The following CRYZ variants were observed in gnomAD, a reference collection of about 807,000 sequenced individuals.
The protein encoded by CRYZ is crystallin zeta.
A neutral mutation model predicts 34.1 loss-of-function variants in CRYZ; 35 were observed. The observed-to-expected ratio is 1.03, with a 90% CI of 0.78 to 1.36. The LOEUF is 1.36. Among genes scored for constraint, CRYZ ranks in the 40% most tolerant of loss-of-function variants. The pLI is 0.00. For missense variants in CRYZ, 403 were observed against 391.8 expected (o/e 1.03, Z -0.24); for synonymous variants, 137 against 136.5 (o/e 1.00, Z -0.03).
intron 1 of CRYZ, chr1:74,730,525 G>C (rs1213178643): frequency 3.3e-5 from 5 of 152,152 alleles, no homozygotes; most frequent in Admixed American, 3.3e-4. Context: ...AAAAGCATAA[G>C]TCTTCCACCT....
At chr1:74,719,087 T>A (rs1184618778) in intron 4 of CRYZ, 122 bp downstream of exon 4, 9 of 973,804 alleles carry the variant, frequency 9.2e-6, no homozygotes, top group Non-Finnish European at 1.2e-5. Flanking sequence ...TATAAATGTT[T>A]AATGGTAAGT....
chr1:74,718,533 G>C (rs777126109), intron 4 of CRYZ, among the ~76,000 whole-genome samples: 1 of 151,966 alleles, frequency 6.6e-6, no homozygotes, highest in Non-Finnish European at 1.5e-5. Flanking sequence ...TTTATTCTTC[G>C]CTACTCTTTC....
In CRYZ at chr1:74,724,835, C is replaced by A. The variant is rs1345413365; in HGVS notation, c.-13-1G>T. 6.5e-7 allele frequency: 1 copy of A among 1,542,962 alleles called. No individual in the cohort carries two copies. Among genetic ancestry groups the A allele is most frequent in the Admixed American group, 1.8e-5 (1 of 55,952 alleles). On this transcript the variant is annotated splice_acceptor_variant, in intron 1 of 8. Transcript: ENST00000340866. LOFTEE classifies it low-confidence loss of function (5UTR_SPLICE). Reference sequence around the variant, plus strand: ...TCCAGTCGCCATGGTGATCTAGATACTAAGGAAGAAAAAAAATTAATGTAT... The same window carrying A: ...TCCAGTCGCCATGGTGATCTAGATAATAAGGAAGAAAAAAAATTAATGTAT...
chr1:74,713,423 G>A (rs1008876355), intron 5 of CRYZ, among the ~76,000 whole-genome samples: 1 of 152,090 alleles, frequency 6.6e-6, no homozygotes, highest in African/African-American at 2.4e-5. Context: ...CCCAAAAATA[G>A]CCTCTTCAGT....
intron 3 of CRYZ, among the ~76,000 whole-genome samples, chr1:74,722,752 T>C (rs1454376194): frequency 2.6e-5 from 4 of 152,098 alleles, no homozygotes; most frequent in African/African-American, 7.2e-5. Context: ...TGAAGCAAAA[T>C]TTATAAGAGA....
At chr1:74,708,611 G>A (rs1459743958) in intron 6 of CRYZ, 1 of 152,126 alleles carries the variant, frequency 6.6e-6, no homozygotes, top group Admixed American at 6.6e-5. Context: ...CTTGCTGGGT[G>A]GGAGGGAGAA....
At chr1:74,721,858 C>A (rs1432907732) in intron 3 of CRYZ, among the ~76,000 whole-genome samples, 1 of 152,198 alleles carries the variant, frequency 6.6e-6, no homozygotes, top group Non-Finnish European at 1.5e-5. Flanking sequence ...GAAATGGTCA[C>A]ATCTGCACTG....
chr1:74,711,116 A>G (rs892248803), intron 5 of CRYZ, among the ~76,000 whole-genome samples: 1 of 152,116 alleles, frequency 6.6e-6, no homozygotes, highest in African/African-American at 2.4e-5. Flanking sequence ...GAACAGAAAG[A>G]GGGGCAGTGT....
Position 74,706,477 on chromosome 1 carries a change from A to G in CRYZ, c.829-20T>C, listed in dbSNP as rs1295367104. 3 of 1,587,656 alleles carry G rather than the reference A, an allele frequency of 1.9e-6. No individual in the cohort carries two copies. Among genetic ancestry groups the G allele is most frequent in the African/African-American group, 1.4e-5 (1 of 73,378 alleles). On this transcript the variant is annotated intron_variant, in intron 8 of 8. Coordinates refer to ENST00000340866, the MANE Select transcript of CRYZ (RefSeq NM_001889.4). Reference sequence around the variant, plus strand: ...TTCCTCCTAAGAAAAGGAAAAACAAATTTCTTTTTGTAGTGAACCGTATGA... The same window carrying G: ...TTCCTCCTAAGAAAAGGAAAAACAAGTTTCTTTTTGTAGTGAACCGTATGA...
chr1:74,722,456 CCA>C, intron 3 of CRYZ, among the ~76,000 whole-genome samples: 1 of 152,218 alleles, frequency 6.6e-6, no homozygotes, highest in South Asian at 2.1e-4. Context: ...TATGAATTTG[CCA>C]GTCTTCCTGT....
chr1:74,723,037 A>G, intron 3 of CRYZ, 81 bp downstream of exon 3: 1 of 1,424,914 alleles, frequency 7.0e-7, no homozygotes, highest in Non-Finnish European at 9.7e-7. Context: ...AAAACCTTAA[A>G]TAAGATGCAG....
intron 6 of CRYZ, chr1:74,708,579 AC>A (rs1469325793): frequency 6.6e-6 from 1 of 152,150 alleles, no homozygotes; most frequent in African/African-American, 2.4e-5. Flanking sequence ...CAGAGATGAA[AC>A]TGATAAAATG....
At chr1:74,714,535 A>G (rs781274574) in intron 5 of CRYZ, 44 bp downstream of exon 5, 24 of 1,584,202 alleles carry the variant, frequency 1.5e-5, no homozygotes, top group Middle Eastern at 1.7e-4. Context: ...TGTGAAACCC[A>G]TAAACCCAAG....
At chr1:74,722,923 A>C (rs1397647233) in intron 3 of CRYZ, among the ~76,000 whole-genome samples, 195 bp downstream of exon 3, 16 of 152,154 alleles carry the variant, frequency 1.1e-4, no homozygotes, top group Non-Finnish European at 2.1e-4. Context: ...TATTCACTAC[A>C]ATGTAGTAAA....
rs1646938064 is a variant in CRYZ, at chr1:74,706,976, T to C, written c.751A>G (p.Thr251Ala). The C allele has an allele frequency of 1.9e-6, 3 of 1,612,868 alleles. No homozygotes were observed. The highest frequency in any genetic ancestry group is 1.1e-5 in the South Asian group (1 of 91,018). The change falls in exon 8 of 9, where the codon ACT becomes GCT. Residue 251 changes from threonine (T) to alanine (A), a missense_variant. Transcript: ENST00000340866. ...GRVIVVGSRGTIEINPRDTMA... is the reference protein window; with the variant it reads ...GRVIVVGSRGAIEINPRDTMA... ...GTGTCTCGTGGGTTTATTTCAATAG[T>C]ACCTCTGCTGCCAACAACCTAACAT...
rs1384522528 is a variant in CRYZ at position 74,710,110 on chromosome 1, AAT to A, written c.616_617del (p.Ile206Ter). The A allele has an allele frequency of 2.5e-6, 4 of 1,611,404 alleles. No homozygotes were observed. The highest frequency in any genetic ancestry group is 3.4e-6 in the Non-Finnish European group (4 of 1,178,880). ...EVFNHREVNY[I>X]DKIKKYVGEK... is the part of the protein sequence containing the mutation. ...TGGAAAATTTTACCTTAATTTTATC[AAT>A]GTAATTCACTTCTCTGTGATTGAAC... On this transcript the variant is annotated frameshift_variant, in exon 6 of 9. Transcript: ENST00000340866. LOFTEE classifies it high-confidence loss of function.
intron 1 of CRYZ, among the ~76,000 whole-genome samples, chr1:74,731,213 G>A (rs1434698082): frequency 6.6e-6 from 1 of 152,110 alleles, no homozygotes; most frequent in Non-Finnish European, 1.5e-5. Flanking sequence ...TTCCAACAGT[G>A]ATCTTTTTCC....
At chr1:74,729,701 A>G (rs1341357285) in intron 1 of CRYZ, among the ~76,000 whole-genome samples, 1 of 152,120 alleles carries the variant, frequency 6.6e-6, no homozygotes, top group Non-Finnish European at 1.5e-5. Context: ...TTATGAAAAA[A>G]ATATACTCTA....
At chr1:74,723,843 A>G (rs1345574251) in intron 2 of CRYZ, among the ~76,000 whole-genome samples, 1 of 152,226 alleles carries the variant, frequency 6.6e-6, no homozygotes, top group African/African-American at 2.4e-5. Context: ...AATTTAGTGT[A>G]TAAGAAATAA....
Sources: gnomAD v4.1 joint callset for allele counts (sites outside exome capture counted in the v4.1 genomes callset) on GRCh38, gnomAD v4.1.1 for gene constraint, MANE v1.5 for transcripts, NCBI Gene and HGNC (gene_info 2026-07-23, HGNC 2026-07-21) for gene names.